The following FBXW4 variants were observed in gnomAD, a reference collection of about 807,000 sequenced individuals.
FBXW4 encodes F-box/WD repeat-containing protein 4.
FBXW4 carries 40 observed loss-of-function variants against 61.8 expected under a neutral mutation model. The ratio of observed to expected loss-of-function variants is 0.65; its 90% CI spans 0.50 to 0.84. FBXW4 has a LOEUF of 0.84. Ranked by LOEUF, FBXW4 falls within the 40% of genes least tolerant of loss-of-function variation. The pLI, the probability that FBXW4 is intolerant of heterozygous loss-of-function variation, is 0.00. For missense variants in FBXW4, 672 were observed against 753.8 expected (o/e 0.89, Z 1.27); for synonymous variants, 311 against 313.8 (o/e 0.99, Z 0.10).
intron 5 of FBXW4, among the ~76,000 whole-genome samples, chr10:101,628,937 GGC>G (rs2063928409): frequency 6.6e-6 from 1 of 152,144 alleles, no homozygotes; most frequent in South Asian, 2.1e-4. Flanking sequence ...CTCGTCCCCT[GGC>G]CCTAGCTCAG....
chr10:101,657,351 G>A (rs1343789237), intron 5 of FBXW4, among the ~76,000 whole-genome samples: 1 of 152,116 alleles, frequency 6.6e-6, no homozygotes, highest in Non-Finnish European at 1.5e-5. Flanking sequence ...CTCACTATCT[G>A]GCCAGGCACG....
At position 101,631,851 on chromosome 10, in the gene FBXW4, T is replaced by C. The variant is rs186255077; in HGVS notation, c.1236-7041A>G. Among the ~76,000 whole-genome samples, 642 of 152,282 alleles carry C rather than the reference T, an allele frequency of 4.2e-3. 4 individuals carry two copies. The highest frequency in any genetic ancestry group is 5.6e-3 in the Non-Finnish European group (378 of 68,010). Reference sequence around the variant, plus strand: ...GCCGTGTTAGCCAGGATGGTCTTGATCTCCTGACCTTGTGATCCACCCACC... The same window carrying C: ...GCCGTGTTAGCCAGGATGGTCTTGACCTCCTGACCTTGTGATCCACCCACC... On this transcript the variant is annotated intron_variant, in intron 5 of 8. Transcript: ENST00000331272.
chr10:101,677,691 TGGGA>T (rs754463987), intron 1 of FBXW4, among the ~76,000 whole-genome samples: 1 of 151,748 alleles, frequency 6.6e-6, no homozygotes, highest in Non-Finnish European at 1.5e-5. Context: ...GAGGCCAAGA[TGGGA>T]GGATCACTTG....
intron 5 of FBXW4, among the ~76,000 whole-genome samples, chr10:101,648,332 G>A (rs1024962651): frequency 2.6e-5 from 4 of 152,136 alleles, no homozygotes; most frequent in African/African-American, 9.7e-5. Flanking sequence ...TCTACCCCCT[G>A]CTCTTGGGTA....
At chr10:101,641,781 T>C (rs1193465445) in intron 5 of FBXW4, among the ~76,000 whole-genome samples, 1 of 152,058 alleles carries the variant, frequency 6.6e-6, no homozygotes, top group Non-Finnish European at 1.5e-5. Flanking sequence ...AGCTTATTTA[T>C]GGAAAATCAC....
At position 101,694,703 on chromosome 10, in the gene FBXW4, G is replaced by T; in HGVS notation, c.403C>A (p.Pro135Thr). 1 of 1,374,384 alleles carries T rather than the reference G, an allele frequency of 7.3e-7. No individual in the cohort carries two copies. 85.1% of individuals were successfully genotyped at this position (1,374,384 alleles called of 1,614,324 possible). Residue 135 changes from proline (P) to threonine (T), a missense_variant, in exon 1 of 9, where the codon CCG (proline) becomes ACG (threonine). Pro to Thr is a conservative substitution (Grantham distance 38, BLOSUM62 -1). Around this residue, in one of 5 missense-constraint regions of FBXW4, gnomAD observed 311 missense variants for 301.1 expected, o/e 1.03. Transcript: ENST00000331272. This position sits in a 1 kb window ranked among gnomAD's most constrained non-coding sequence, Gnocchi z 6.0. ...VRARRREGAR[P>T]GRAQGRGGQA... is the part of the protein sequence containing the mutation. Reference sequence around the variant, plus strand: ...CCCCCTCGTCCCTGTGCTCTTCCCGGCCTGGCGCCCTCCCGCCGCCTAGCC... The same window carrying T: ...CCCCCTCGTCCCTGTGCTCTTCCCGTCCTGGCGCCCTCCCGCCGCCTAGCC...
At chr10:101,693,615 A>G (rs2064635043) in intron 1 of FBXW4, among the ~76,000 whole-genome samples, 1 of 152,208 alleles carries the variant, frequency 6.6e-6, no homozygotes, top group African/African-American at 2.4e-5. Context: ...ACTACTTTTT[A>G]AAAAATGGGT....
chr10:101,612,375 G>A lies in FBXW4; in HGVS notation c.1404C>T (p.Asp468=). The A allele has an allele frequency of 6.3e-7, 1 of 1,595,718 alleles. No homozygotes were observed. Among genetic ancestry groups the A allele is most frequent in the Non-Finnish European group, 8.5e-7 (1 of 1,170,442 alleles). ...GGAGGTCCCAGTAGCGAACATAGGT[G>A]TCATAGCCACAGGACAGCAGTGTGA... ...SPFTLLSCGY[D]TYVRYWDLRT... Residue 468 remains aspartate, a synonymous_variant, in exon 7 of 9, where the codon GAC becomes GAT. Coordinates refer to ENST00000331272, the MANE Select transcript of FBXW4 (RefSeq NM_022039.4).
chr10:101,649,785 C>T (rs147187407), intron 5 of FBXW4, among the ~76,000 whole-genome samples: 105 of 152,302 alleles, frequency 6.9e-4, no homozygotes, highest in African/African-American at 2.3e-3. Context: ...CTCATCTCAG[C>T]GGCCAGCCTG....
intron 5 of FBXW4, among the ~76,000 whole-genome samples, chr10:101,656,913 T>G (rs1361142508): frequency 6.6e-6 from 1 of 152,202 alleles, no homozygotes; most frequent in East Asian, 1.9e-4. Context: ...GCACCCCACC[T>G]GTCCCCCCTA....
At chr10:101,636,397 GAA>G (rs1213028024) in intron 5 of FBXW4, among the ~76,000 whole-genome samples, 1 of 111,758 alleles carries the variant, frequency 8.9e-6, no homozygotes, top group Non-Finnish European at 1.9e-5. Context: ...CAAAACAACG[GAA>G]AAAAAAAAAA....
At chr10:101,685,942 A>G (rs2064529284) in intron 1 of FBXW4, among the ~76,000 whole-genome samples, 1 of 152,252 alleles carries the variant, frequency 6.6e-6, no homozygotes, top group African/African-American at 2.4e-5. Flanking sequence ...AACATACCAC[A>G]TCTTCAAGAA....
chr10:101,650,804 A>G (rs1488618970), intron 5 of FBXW4, among the ~76,000 whole-genome samples: 1 of 152,192 alleles, frequency 6.6e-6, no homozygotes, highest in Non-Finnish European at 1.5e-5. Context: ...TCCCAGCCCA[A>G]CACAGGCCCG....
rs77807983 is a variant in FBXW4 at position 101,644,312 on chromosome 10, G to A, written c.1236-19502C>T. On this transcript the variant is annotated intron_variant, in intron 5 of 8. Coordinates refer to ENST00000331272, the MANE Select transcript of FBXW4 (RefSeq NM_022039.4). ...GACTGGTGGGGGCAGCTGGGACTGG[G>A]GCCTGGGCAAGGGAAAGAAGGTGCT... is the stretch of plus-strand genomic sequence containing the variant. Among the ~76,000 whole-genome samples, 368 of 152,308 alleles carry A rather than the reference G, an allele frequency of 2.4e-3. 1 individual carries two copies. The highest frequency in any genetic ancestry group is 8.4e-3 in the African/African-American group (351 of 41,562).
In FBXW4 at chr10:101,694,136, G is replaced by T. The variant is rs887294424; in HGVS notation, c.725+245C>A. Among the ~76,000 whole-genome samples the T allele has an allele frequency of 6.6e-6, 1 of 152,094 alleles. No individual in the cohort carries two copies. The highest frequency in any genetic ancestry group is 2.4e-5 in the African/African-American group (1 of 41,436). ...CCTAAGATGGCTAATTGTGAGGAGC[G>T]GCCCACCCGGGAGGGTGCCTACTGA... On this transcript the variant is annotated intron_variant, in intron 1 of 8. Transcript: ENST00000331272. This position sits in a 1 kb window ranked among gnomAD's most constrained non-coding sequence, Gnocchi z 6.0.
Position 101,611,900 on chromosome 10 carries a change from T to C in FBXW4, c.1443-131A>G, listed in dbSNP as rs1249010631. ...GGGATGGAAGAGAAAGAAGCCTAAA[T>C]CATCAGATTCATCAAAAACCGAACT... On this transcript the variant is annotated intron_variant, in intron 7 of 8. Coordinates refer to ENST00000331272, the MANE Select transcript of FBXW4 (RefSeq NM_022039.4). This position sits in a 1 kb window ranked among gnomAD's most constrained non-coding sequence, Gnocchi z 4.9. The C allele has an allele frequency of 3.6e-6, 4 of 1,116,082 alleles. No individual in the cohort carries two copies. Among genetic ancestry groups the C allele is most frequent in the Middle Eastern group, 2.8e-4 (1 of 3,550 alleles). The allele number at this position is 1,116,082 out of a possible 1,614,324, so 69.1% of individuals were successfully genotyped here.
chr10:101,689,585 C>G (rs1262580517), intron 1 of FBXW4, among the ~76,000 whole-genome samples: 1 of 152,192 alleles, frequency 6.6e-6, no homozygotes, highest in Non-Finnish European at 1.5e-5. Flanking sequence ...CTGGGTAAGG[C>G]AGAAAACTGG....
chr10:101,620,908 T>C (rs2063862329), intron 6 of FBXW4, among the ~76,000 whole-genome samples: 1 of 152,110 alleles, frequency 6.6e-6, no homozygotes, highest in South Asian at 2.1e-4. Context: ...TAGAACTCCA[T>C]CCTGACCATA....
intron 2 of FBXW4, among the ~76,000 whole-genome samples, chr10:101,674,627 A>G (rs1328243641): frequency 6.6e-6 from 1 of 152,258 alleles, no homozygotes; most frequent in Non-Finnish European, 1.5e-5. Context: ...AGGGATATCT[A>G]CATTTCTGTA....
Sources: gnomAD v4.1 joint callset for allele counts (sites outside exome capture counted in the v4.1 genomes callset) on GRCh38, gnomAD v4.1.1 for gene constraint, gnomAD v4.1.1 regional missense constraint, Gnocchi (gnomAD v3.1) non-coding constraint, MANE v1.5 for transcripts, NCBI Gene and HGNC (gene_info 2026-07-23, HGNC 2026-07-21) for gene names.